The following PRAG1 variants were observed in gnomAD, a reference collection of about 807,000 sequenced individuals.
The protein encoded by PRAG1 is PEAK1 related, kinase-activating pseudokinase 1.
Under a neutral mutation model 95.6 loss-of-function variants are expected in PRAG1, and 110 were observed. The ratio of observed to expected loss-of-function variants is 1.15; its 90% CI spans 0.99 to 1.35. The LOEUF is 1.35. Among genes scored for constraint, PRAG1 ranks in the 40% most tolerant of loss-of-function variants. PRAG1 has a pLI of 0.00. For synonymous variants in PRAG1, 1,052 were observed against 819.4 expected (o/e 1.28, Z -4.85); for missense variants, 2,554 against 1,864.7 (o/e 1.37, Z -6.81).
rs780289733 is a variant in PRAG1 at position 8,318,410 on chromosome 8, T to C, written c.3965A>G (p.Lys1322Arg). 6.8e-6 allele frequency: 11 copies of C among 1,613,304 alleles called. No homozygotes were observed. The South Asian group carries it at 1.2e-4, about 18-fold the overall frequency. The change falls in exon 6 of 6, where the codon AAG becomes AGG. Residue 1322 changes from lysine (K) to arginine (R), a missense_variant. Physicochemically the swap from Lys to Arg is conservative, Grantham distance 26 (BLOSUM62 2). Coordinates refer to ENST00000615670, the MANE Select transcript of PRAG1 (RefSeq NM_001080826.3). The surrounding 1 kb of genome is among the most constrained non-coding windows in gnomAD (Gnocchi z 4.2). Reference sequence around the variant, plus strand: ...CCACAGCAGGCACTGCAGCACGCGCTTGGCCTCGCCGATGCGGATACGCTT... The same window carrying C: ...CCACAGCAGGCACTGCAGCACGCGCCTGGCCTCGCCGATGCGGATACGCTT... ...PIKRIRIGEA[K>R]RVLQCLLWGP...
chr8:8,345,122 C>T (rs919565907), intron 3 of PRAG1, among the ~76,000 whole-genome samples: 6 of 146,906 alleles, frequency 4.1e-5, no homozygotes, highest in Admixed American at 1.4e-4. Flanking sequence ...CCAAAGTGGA[C>T]TTTGGTAAAT....
intron 3 of PRAG1, among the ~76,000 whole-genome samples, chr8:8,371,031 G>C (rs1800179020): frequency 6.6e-6 from 1 of 151,260 alleles, no homozygotes; most frequent in South Asian, 2.1e-4. Context: ...AGTTACTTGG[G>C]AGGCTGAGGC....
intron 3 of PRAG1, among the ~76,000 whole-genome samples, chr8:8,375,166 G>C (rs752514329): frequency 6.6e-5 from 10 of 151,388 alleles, no homozygotes; most frequent in Non-Finnish European, 1.0e-4. Context: ...GGAAAACTGA[G>C]TTTCAGCATG....
rs1004200115 is a variant in PRAG1, at chr8:8,318,016, A to G, written c.*138T>C. 7 of 636,836 alleles carry G rather than the reference A, an allele frequency of 1.1e-5. No individual in the cohort carries two copies. The highest frequency in any genetic ancestry group is 2.4e-6 in the Non-Finnish European group (1 of 424,748). The allele number at this position is 636,836 out of a possible 1,614,324, so 39.4% of individuals were successfully genotyped here. ...TTTATATATGGTATATGTATTTTCT[A>G]TATATATATTTATATATTTTACATC... On this transcript the variant is annotated 3_prime_UTR_variant, in exon 6 of 6. Transcript: ENST00000615670. The surrounding 1 kb of genome is among the most constrained non-coding windows in gnomAD (Gnocchi z 4.2).
chr8:8,330,547 T>G (rs771175816), intron 4 of PRAG1, among the ~76,000 whole-genome samples: 2 of 152,170 alleles, frequency 1.3e-5, no homozygotes, highest in Non-Finnish European at 2.9e-5. Context: ...TTTATACCCC[T>G]TCCAGGAGGG....
chr8:8,339,683 T>C lies in PRAG1; in HGVS notation c.2163-48A>G, dbSNP rs572854221. ...ATACAAATAACTCATTGGATTTCCA[T>C]TCAGAAACCAGGCTGATGGATCATG... On this transcript the variant is annotated intron_variant, in intron 3 of 5. Transcript: ENST00000615670. 5 of 1,570,442 alleles carry C rather than the reference T, an allele frequency of 3.2e-6. No homozygotes were observed. The African/African-American group carries it at 4.0e-5, about 13-fold the overall frequency.
At chr8:8,336,887 A>ACCCCCCCCCCCCCCCCCCC (rs1563233193) in intron 4 of PRAG1, among the ~76,000 whole-genome samples, 5 of 61,800 alleles carry the variant, frequency 8.1e-5, no homozygotes, top group Non-Finnish European at 1.2e-4. Context: ...CCTTCCCCCC[A>ACCCCCCCCCCCCCCCCCCC]CTCCCCTCCC....
intron 4 of PRAG1, among the ~76,000 whole-genome samples, chr8:8,329,680 T>C (rs530382355): frequency 1.8e-3 from 275 of 152,302 alleles, no homozygotes; most frequent in African/African-American, 6.2e-3. Context: ...AATAACCTTC[T>C]AGCTCACACT....
intron 3 of PRAG1, among the ~76,000 whole-genome samples, chr8:8,351,409 T>A (rs985333714): frequency 7.9e-5 from 12 of 152,132 alleles, no homozygotes; most frequent in African/African-American, 2.9e-4. Context: ...GGGACACAGA[T>A]CCAAACCATA....
At chr8:8,360,548 T>A (rs886640846) in intron 3 of PRAG1, among the ~76,000 whole-genome samples, 1 of 152,206 alleles carries the variant, frequency 6.6e-6, no homozygotes, top group Non-Finnish European at 1.5e-5. Context: ...TCTCCTCAAA[T>A]ATACCTTCTG....
At chr8:8,341,017 C>A (rs927072821) in intron 3 of PRAG1, among the ~76,000 whole-genome samples, 10 of 152,174 alleles carry the variant, frequency 6.6e-5, no homozygotes, top group African/African-American at 2.2e-4. Flanking sequence ...ATTCTTATAT[C>A]CACATCAGAT....
chr8:8,320,975 G>A (rs1411415438), intron 5 of PRAG1, among the ~76,000 whole-genome samples: 3 of 152,206 alleles, frequency 2.0e-5, no homozygotes, highest in Admixed American at 6.5e-5. Flanking sequence ...AAGCAGAATG[G>A]TAATAAAAAG....
Position 8,381,553 on chromosome 8 carries a change from C to T in PRAG1, c.195G>A (p.Glu65=). ...PPPPRLPPRP[E]NCRLEDEGVN... The stretch of plus-strand genomic sequence containing the variant: ...CACCTTCATCTTCCAGGCGGCAGTT[C>T]TCAGGCCTGGGAGGCAGGCGCGGTG... The change falls in exon 2 of 6, where the codon GAG becomes GAA. Residue 65 remains glutamate, a synonymous_variant. Transcript: ENST00000615670. 1 of 1,614,228 alleles carries T rather than the reference C, an allele frequency of 6.2e-7. No homozygotes were observed. The highest frequency in any genetic ancestry group is 1.3e-5 in the African/African-American group (1 of 75,070).
intron 5 of PRAG1, among the ~76,000 whole-genome samples, chr8:8,324,715 G>A (rs181300491): frequency 1.5e-3 from 222 of 152,316 alleles, no homozygotes; most frequent in Middle Eastern, 6.8e-3. Flanking sequence ...TGGAGTCAGG[G>A]CCTCATTCAC....
At chr8:8,383,220 G>A (rs1325664268) in intron 1 of PRAG1, among the ~76,000 whole-genome samples, 1 of 152,132 alleles carries the variant, frequency 6.6e-6, no homozygotes, top group Non-Finnish European at 1.5e-5. Flanking sequence ...CTCATAGACA[G>A]GGGTGTTCAT....
intron 3 of PRAG1, among the ~76,000 whole-genome samples, chr8:8,373,722 T>C (rs1800289846): frequency 2.0e-5 from 3 of 152,164 alleles, no homozygotes; most frequent in Admixed American, 1.3e-4. Context: ...CAAAGTGCTA[T>C]GATTACAGGC....
Position 8,377,650 on chromosome 8 carries a change from G to C in PRAG1, c.759C>G (p.Tyr253Ter). The C allele has an allele frequency of 6.2e-7, 1 of 1,613,678 alleles. No homozygotes were observed. Among genetic ancestry groups the C allele is most frequent in the Non-Finnish European group, 8.5e-7 (1 of 1,179,990 alleles). Residue 253 changes from tyrosine (Y) to a stop codon, truncating the protein, a stop_gained, in exon 3 of 6, where the codon TAC (tyrosine) becomes TAG (stop). Transcript: ENST00000615670. LOFTEE classifies it high-confidence loss of function. The stretch of plus-strand genomic sequence containing the variant: ...CAGGGCAGCAGTCCAGGATGGAGCA[G>C]TACTCTCCACCCTCGCTGTCCCCGG... ...SPSGDSEGGE[Y>*]CSILDCCPGS...
At chr8:8,336,405 G>T (rs1798984968) in intron 4 of PRAG1, among the ~76,000 whole-genome samples, 1 of 152,116 alleles carries the variant, frequency 6.6e-6, no homozygotes, top group Non-Finnish European at 1.5e-5. Flanking sequence ...CAGCCTTCAT[G>T]GATCTGTCCT....
chr8:8,382,546 G>T (rs1800716881), intron 1 of PRAG1, among the ~76,000 whole-genome samples: 2 of 152,216 alleles, frequency 1.3e-5, no homozygotes, highest in South Asian at 4.1e-4. Flanking sequence ...CAAACCAGTA[G>T]TAAGACAAAT....
Sources: gnomAD v4.1 joint callset for allele counts (sites outside exome capture counted in the v4.1 genomes callset) on GRCh38, gnomAD v4.1.1 for gene constraint, Gnocchi (gnomAD v3.1) non-coding constraint, MANE v1.5 for transcripts, NCBI Gene and HGNC (gene_info 2026-07-23, HGNC 2026-07-21) for gene names.